SV2C: variants seen among roughly 807,000 people sequenced by gnomAD.
SV2C encodes solute carrier family 22 member B3.
SV2C carries 49 observed loss-of-function variants against 79.7 expected under a neutral mutation model. The observed-to-expected ratio is 0.61, with a 90% CI of 0.49 to 0.78. SV2C has a LOEUF of 0.78. Ranked by LOEUF, SV2C falls within the 30% of genes least tolerant of loss-of-function variation. The pLI, the probability that SV2C is intolerant of heterozygous loss-of-function variation, is 0.00. For synonymous variants in SV2C, 334 were observed against 333.2 expected (o/e 1.00, Z -0.03); for missense variants, 833 against 912.9 (o/e 0.91, Z 1.13).
At chr5:76,009,986 A>ATTTT in the SV2C span, among the ~76,000 whole-genome samples, 3 of 100,006 alleles carry the variant, frequency 3.0e-5, no homozygotes, top group African/African-American at 1.2e-4. Context: ...TTACTTATCT[A>ATTTT]TTTTGTTTTT....
intron 1 of SV2C, among the ~76,000 whole-genome samples, chr5:76,111,443 G>A (rs1478788478): frequency 6.6e-6 from 1 of 152,126 alleles, no homozygotes; most frequent in Non-Finnish European, 1.5e-5. Context: ...GGTAAAGTGA[G>A]GCACTTTTCC....
the SV2C span, among the ~76,000 whole-genome samples, chr5:75,905,868 C>T: frequency 6.6e-6 from 1 of 150,704 alleles, no homozygotes; most frequent in African/African-American, 2.4e-5. Flanking sequence ...CACTTGGAAC[C>T]TCAGAATGTG....
chr5:75,998,928 T>A, the SV2C span, among the ~76,000 whole-genome samples: 2 of 152,118 alleles, frequency 1.3e-5, no homozygotes, highest in Non-Finnish European at 2.9e-5. Flanking sequence ...GATAAAGACA[T>A]ACCCAAGACT....
chr5:76,015,166 G>T, the SV2C span, among the ~76,000 whole-genome samples: 1 of 152,144 alleles, frequency 6.6e-6, no homozygotes, highest in Non-Finnish European at 1.5e-5. Context: ...GTTTTACTCT[G>T]CCACAGCAGA....
intron 4 of SV2C, among the ~76,000 whole-genome samples, chr5:76,211,684 T>C (rs755308799): frequency 3.1e-4 from 47 of 152,264 alleles, no homozygotes; most frequent in Admixed American, 1.4e-3. Context: ...CATGGTAATA[T>C]TTCATTATAA....
chr5:76,246,592 T>C (rs2112431269), intron 4 of SV2C, among the ~76,000 whole-genome samples: 1 of 152,132 alleles, frequency 6.6e-6, no homozygotes, highest in Middle Eastern at 3.4e-3. Flanking sequence ...ACCTTCTGGG[T>C]CCACACAGCA....
chr5:75,923,462 T>C, the SV2C span, among the ~76,000 whole-genome samples: 4 of 152,014 alleles, frequency 2.6e-5, no homozygotes, highest in South Asian at 8.3e-4. Context: ...GCAAAAGAAA[T>C]AATCAGCAGA....
At chr5:76,225,164 G>A (rs1201107875) in intron 4 of SV2C, among the ~76,000 whole-genome samples, 3 of 152,220 alleles carry the variant, frequency 2.0e-5, no homozygotes, top group Non-Finnish European at 4.4e-5. Flanking sequence ...GACAGAGTGT[G>A]ATGTTGAAAG....
At chr5:76,169,754 G>C (rs1211843524) in intron 2 of SV2C, among the ~76,000 whole-genome samples, 2 of 152,218 alleles carry the variant, frequency 1.3e-5, no homozygotes, top group African/African-American at 4.8e-5. Context: ...CGTGGAATTT[G>C]AGGGGCTTGA....
intron 2 of SV2C, among the ~76,000 whole-genome samples, chr5:76,142,903 C>CTTT (rs372569739): frequency 1.5e-5 from 2 of 134,574 alleles, no homozygotes; most frequent in Non-Finnish European, 3.3e-5. Context: ...TTTTCTTTTC[C>CTTT]TTTTTTTTTG....
At chr5:76,120,336 T>C (rs1482214498) in intron 1 of SV2C, among the ~76,000 whole-genome samples, 2 of 152,000 alleles carry the variant, frequency 1.3e-5, no homozygotes, top group Non-Finnish European at 2.9e-5. Flanking sequence ...TTTTTTGTTT[T>C]GAAAATTGTT....
At chr5:75,921,180 G>A in the SV2C span, 1 of 951,834 alleles carries the variant, frequency 1.1e-6, no homozygotes, top group Non-Finnish European at 1.7e-6. Context: ...TACTCCAAGT[G>A]CCCGTGGAAC....
chr5:76,323,490 G>T (rs1166875198), intron 12 of SV2C, among the ~76,000 whole-genome samples: 1 of 152,190 alleles, frequency 6.6e-6, no homozygotes, highest in African/African-American at 2.4e-5. Context: ...ATTCCTCAAG[G>T]ATCTAGAACC....
chr5:75,952,231 T>C, the SV2C span, among the ~76,000 whole-genome samples: 1 of 150,998 alleles, frequency 6.6e-6, no homozygotes, highest in Non-Finnish European at 1.5e-5. Flanking sequence ...ATTTCCAATG[T>C]ATTCTTCTCC....
At chr5:76,228,749 G>A (rs7446029) in intron 4 of SV2C, among the ~76,000 whole-genome samples, 29,473 of 152,032 alleles carry the variant, frequency 0.19, 4,290 homozygotes, top group African/African-American at 0.41. Context: ...AGAAGTGAAG[G>A]TATATTCTTT....
At chr5:75,876,777 G>A in the SV2C span, among the ~76,000 whole-genome samples, 1 of 151,906 alleles carries the variant, frequency 6.6e-6, no homozygotes, top group Non-Finnish European at 1.5e-5. Flanking sequence ...AGATGTGTAT[G>A]GCAAATCCTA....
intron 3 of SV2C, among the ~76,000 whole-genome samples, chr5:76,205,403 G>A (rs115008637): frequency 1.2e-3 from 189 of 152,108 alleles, no homozygotes; most frequent in Middle Eastern, 6.8e-3. Flanking sequence ...TCACACCTAC[G>A]TAGAGTGTGA....
Position 76,295,897 on chromosome 5 carries a change from C to T in SV2C, c.1457C>T (p.Thr486Ile). The change falls in exon 9 of 13, where the codon ACA (threonine) becomes ATA (isoleucine). Residue 486 changes from threonine to isoleucine, a missense_variant. Coordinates refer to ENST00000502798, the MANE Select transcript of SV2C (RefSeq NM_014979.4). ...DKYANFTINF[T>I]MENQIHTGME... ...TATGCAAATTTCACTATTAACTTTA[C>T]AATGGAAAATCAGATTCATACTGGA... The T allele has an allele frequency of 2.5e-6, 4 of 1,612,120 alleles. No homozygotes were observed. Among genetic ancestry groups the T allele is most frequent in the Non-Finnish European group, 3.4e-6 (4 of 1,179,248 alleles).
intron 3 of SV2C, among the ~76,000 whole-genome samples, chr5:76,202,945 C>T (rs912830849): frequency 2.0e-5 from 3 of 152,070 alleles, no homozygotes; most frequent in East Asian, 1.9e-4. Context: ...ATTAACTTTA[C>T]GTGATTGTTT....
Sources: gnomAD v4.1 joint callset for allele counts (sites outside exome capture counted in the v4.1 genomes callset) on GRCh38, gnomAD v4.1.1 for gene constraint, MANE v1.5 for transcripts, NCBI Gene and HGNC (gene_info 2026-07-23, HGNC 2026-07-21) for gene names.